KLHL32: variants seen among roughly 807,000 people sequenced by gnomAD.
The protein encoded by KLHL32 is kelch like family member 32, also known as kelch-like protein 32.
In KLHL32, 35 loss-of-function variants were observed where a neutral mutation model predicts 64.8. The observed-to-expected ratio is 0.54, with a 90% CI of 0.41 to 0.72. KLHL32 has a LOEUF of 0.72. Ranked by LOEUF, KLHL32 falls within the 30% of genes least tolerant of loss-of-function variation. The pLI is 0.00. For missense variants in KLHL32, 589 were observed against 768.5 expected, an observed-to-expected ratio of 0.77 and a Z score of 2.76; for synonymous variants, 259 against 281.0, an observed-to-expected ratio of 0.92 and a Z score of 0.78.
chr6:97,054,796 C>T (rs1787531585), intron 4 of KLHL32, among the ~76,000 whole-genome samples: 1 of 152,160 alleles, frequency 6.6e-6, no homozygotes, highest in African/African-American at 2.4e-5. Context: ...CAACTTGGCA[C>T]AGCCCAAAGA....
intron 4 of KLHL32, among the ~76,000 whole-genome samples, chr6:97,061,608 G>A (rs1483960988): frequency 6.6e-6 from 1 of 152,048 alleles, no homozygotes. Context: ...ATCTGTCCTG[G>A]TTTGAGTGTC....
intron 1 of KLHL32, among the ~76,000 whole-genome samples, chr6:96,927,115 A>G (rs1460184213): frequency 3.3e-5 from 5 of 152,248 alleles, no homozygotes; most frequent in Admixed American, 6.5e-5. Context: ...TATCTCAGAA[A>G]ATAAAAGACC....
chr6:96,946,403 G>A (rs998758576), intron 1 of KLHL32, among the ~76,000 whole-genome samples: 2 of 151,998 alleles, frequency 1.3e-5, no homozygotes, highest in Non-Finnish European at 2.9e-5. Flanking sequence ...CTGTCTTCTT[G>A]TGTAGACAGT....
chr6:97,084,833 CAAAGTAACATTTCAGCCCTTGA>C (rs1227725965), intron 5 of KLHL32, among the ~76,000 whole-genome samples: 1 of 152,096 alleles, frequency 6.6e-6, no homozygotes, highest in Non-Finnish European at 1.5e-5. Context: ...TAGAATGTTG[CAAAGTAACATTTCAGCCCTTGA>C]AACCAGAGAC....
chr6:96,930,717 G>T (rs1354194749), intron 1 of KLHL32, among the ~76,000 whole-genome samples: 1 of 151,996 alleles, frequency 6.6e-6, no homozygotes, highest in Non-Finnish European at 1.5e-5. Flanking sequence ...CTGCTTAGAT[G>T]GGCTCTCCCA....
At chr6:97,023,359 G>A (rs1011324276) in intron 3 of KLHL32, among the ~76,000 whole-genome samples, 5 of 152,172 alleles carry the variant, frequency 3.3e-5, no homozygotes, top group African/African-American at 1.2e-4. Flanking sequence ...TCTATAAACT[G>A]AATTTATAGA....
At chr6:97,114,923 T>G (rs1380644401) in intron 7 of KLHL32, among the ~76,000 whole-genome samples, 1 of 152,234 alleles carries the variant, frequency 6.6e-6, no homozygotes, top group Non-Finnish European at 1.5e-5. Context: ...TAAGCCCAGT[T>G]AATCCATTTT....
chr6:97,035,794 A>G (rs1181902410), intron 3 of KLHL32, among the ~76,000 whole-genome samples: 2 of 152,060 alleles, frequency 1.3e-5, no homozygotes, highest in Non-Finnish European at 2.9e-5. Flanking sequence ...TTTAATTATA[A>G]TGTATCCTGG....
chr6:96,918,596 C>T, the KLHL32 span, among the ~76,000 whole-genome samples: 2 of 152,004 alleles, frequency 1.3e-5, no homozygotes, highest in Non-Finnish European at 2.9e-5. Flanking sequence ...ACACAAAGTT[C>T]TAAGATTAGA....
upstream of KLHL32, among the ~76,000 whole-genome samples, chr6:96,920,517 C>T (rs1266723528): frequency 2.0e-5 from 3 of 151,986 alleles, no homozygotes; most frequent in Admixed American, 6.6e-5. Context: ...ACAGAGCCAG[C>T]TTCAGATTCA....
chr6:97,038,992 A>T (rs1331976103), intron 3 of KLHL32, among the ~76,000 whole-genome samples: 3 of 150,690 alleles, frequency 2.0e-5, no homozygotes, highest in Non-Finnish European at 3.0e-5. Context: ...CAGGAGGCTG[A>T]GGAAGGAGAA....
At chr6:96,903,629 A>T in the KLHL32 span, among the ~76,000 whole-genome samples, 1 of 152,330 alleles carries the variant, frequency 6.6e-6, no homozygotes, top group South Asian at 2.1e-4. Flanking sequence ...TCCCACCACC[A>T]TAAGGAACTT....
intron 1 of KLHL32, among the ~76,000 whole-genome samples, chr6:96,926,369 A>G (rs1325305989): frequency 6.6e-6 from 1 of 152,222 alleles, no homozygotes; most frequent in African/African-American, 2.4e-5. Context: ...GATTTATGCA[A>G]TTCACAGAGC....
intron 7 of KLHL32, among the ~76,000 whole-genome samples, chr6:97,120,060 G>T (rs1210084756): frequency 6.6e-6 from 1 of 152,076 alleles, no homozygotes; most frequent in Non-Finnish European, 1.5e-5. Flanking sequence ...GGGAGGAGGG[G>T]CATCCATTTG....
chr6:97,018,686 A>G (rs922798552), intron 3 of KLHL32, among the ~76,000 whole-genome samples: 1 of 152,180 alleles, frequency 6.6e-6, no homozygotes, highest in Admixed American at 6.5e-5. Context: ...TAACAAAAAC[A>G]TATGTGTAAC....
At chr6:97,121,836 G>T (rs141300389) in intron 7 of KLHL32, among the ~76,000 whole-genome samples, 112 of 152,274 alleles carry the variant, frequency 7.4e-4, no homozygotes, top group Non-Finnish European at 1.3e-3. Context: ...GAGAGAAGAT[G>T]GTTAAAGCTA....
At chr6:97,079,013 G>A (rs1035996950) in intron 5 of KLHL32, among the ~76,000 whole-genome samples, 20 of 152,202 alleles carry the variant, frequency 1.3e-4, no homozygotes, top group Admixed American at 5.2e-4. Context: ...GCTCTTGAGC[G>A]TGACATCCCT....
chr6:96,967,676 A>G (rs954367421), intron 2 of KLHL32, among the ~76,000 whole-genome samples: 6 of 152,196 alleles, frequency 3.9e-5, no homozygotes, highest in Non-Finnish European at 7.3e-5. Flanking sequence ...TAAAACAGAT[A>G]AGGTTCCTTC....
At chr6:96,920,868 T>C (rs1241432062), upstream of KLHL32, among the ~76,000 whole-genome samples, 1 of 152,214 alleles carries the variant, frequency 6.6e-6, no homozygotes, top group African/African-American at 2.4e-5. Context: ...CATAAGTCTT[T>C]GAACTTTTGT....
Sources: gnomAD v4.1 joint callset for allele counts (sites outside exome capture counted in the v4.1 genomes callset) on GRCh38, gnomAD v4.1.1 for gene constraint, MANE v1.5 for transcripts, NCBI Gene and HGNC (gene_info 2026-07-23, HGNC 2026-07-21) for gene names.